Variants in KDM4A observed in about 807,000 individuals in gnomAD.
KDM4A encodes lysine-specific demethylase 4A.
Under a neutral mutation model 127.1 loss-of-function variants are expected in KDM4A, and 23 were observed. That is an observed-to-expected ratio of 0.18 (90% CI 0.13 to 0.26). KDM4A has a LOEUF of 0.26. KDM4A is among the 10% of genes least tolerant of loss of function. The pLI is 1.00. For missense variants in KDM4A, 890 were observed against 1,329.1 expected (o/e 0.67, Z 5.14); for synonymous variants, 443 against 466.5 (o/e 0.95, Z 0.65).
At chr1:43,684,870 G>A (rs973635580) in intron 12 of KDM4A, among the ~76,000 whole-genome samples, 2 of 152,230 alleles carry the variant, frequency 1.3e-5, no homozygotes, top group East Asian at 3.8e-4. Flanking sequence ...AAGGTCTGAA[G>A]TAGGATGGTG....
chr1:43,689,203 TC>T, intron 13 of KDM4A, 108 bp downstream of exon 13: 1 of 1,105,404 alleles, frequency 9.0e-7, no homozygotes, highest in Non-Finnish European at 1.3e-6. Flanking sequence ...AAAGGCCACC[TC>T]CACCCCCAGC....
chr1:43,652,154 G>C (rs1343914847), intron 1 of KDM4A, among the ~76,000 whole-genome samples: 1 of 152,180 alleles, frequency 6.6e-6, no homozygotes, highest in Non-Finnish European at 1.5e-5. Context: ...CCAAAGTGCT[G>C]GGATTACAAG....
chr1:43,665,807 A>G, intron 6 of KDM4A, 62 bp downstream of exon 6: 1 of 1,553,248 alleles, frequency 6.4e-7, no homozygotes, highest in East Asian at 2.2e-5. Flanking sequence ...CTTGCTCTGC[A>G]CTAAAATGTG....
rs1661515075 is a variant in KDM4A at position 43,704,920 on chromosome 1, G to A, written c.*550G>A. 1 of 155,856 alleles carries A rather than the reference G, an allele frequency of 6.4e-6. No individual in the cohort carries two copies. The highest frequency in any genetic ancestry group is 2.4e-5 in the African/African-American group (1 of 41,480). The allele number at this position is 155,856 out of a possible 1,614,324, so 9.7% of individuals were successfully genotyped here. On this transcript the variant is annotated 3_prime_UTR_variant, in exon 22 of 22. Coordinates refer to ENST00000372396, the MANE Select transcript of KDM4A (RefSeq NM_014663.3). ...TCAGCTGAGCTGAGTAAGGGCTCCT[G>A]GGGGTTGGCTGGAGATGGGTGTGGC...
intron 2 of KDM4A, among the ~76,000 whole-genome samples, chr1:43,654,128 G>T (rs1660180470): frequency 6.6e-6 from 1 of 152,326 alleles, no homozygotes; most frequent in African/African-American, 2.4e-5. Context: ...TACGGCTACT[G>T]CTGGGTTAAT....
chr1:43,671,462 G>C, intron 10 of KDM4A, 43 bp from the exon 11 acceptor site: 1 of 1,499,542 alleles, frequency 6.7e-7, no homozygotes, highest in Non-Finnish European at 8.9e-7. Flanking sequence ...GTTCACATGT[G>C]CAGGAGGAAC....
intron 18 of KDM4A, among the ~76,000 whole-genome samples, chr1:43,696,903 T>C (rs928551464): frequency 9.1e-5 from 13 of 142,956 alleles, no homozygotes; most frequent in South Asian, 6.4e-4. Context: ...GACTATACCA[T>C]TGAACAAGAC....
chr1:43,656,615 G>A (rs551154369), intron 3 of KDM4A, among the ~76,000 whole-genome samples: 41 of 152,148 alleles, frequency 2.7e-4, no homozygotes, highest in South Asian at 4.1e-4. Context: ...TGGGATTACA[G>A]GCAAGAGCCA....
At chr1:43,700,094 C>T (rs1331494068) in intron 19 of KDM4A, 2 of 152,074 alleles carry the variant, frequency 1.3e-5, no homozygotes, top group Non-Finnish European at 2.9e-5. Context: ...GAAGAAAATT[C>T]AGCCTTGCGT....
At chr1:43,673,767 T>C (rs1660679916) in intron 11 of KDM4A, among the ~76,000 whole-genome samples, 1 of 152,196 alleles carries the variant, frequency 6.6e-6, no homozygotes, top group African/African-American at 2.4e-5. Flanking sequence ...AGTTGCCACC[T>C]AGCAATTCTT....
At chr1:43,662,210 G>C (rs1199017783) in intron 4 of KDM4A, among the ~76,000 whole-genome samples, 1 of 151,024 alleles carries the variant, frequency 6.6e-6, no homozygotes, top group Non-Finnish European at 1.5e-5. Flanking sequence ...CACTGTCATA[G>C]TTCCCATGTT....
chr1:43,661,081 T>A (rs1043498938), intron 4 of KDM4A, among the ~76,000 whole-genome samples: 2 of 151,984 alleles, frequency 1.3e-5, no homozygotes, highest in African/African-American at 2.4e-5. Flanking sequence ...TTCAAGTGAT[T>A]CTCCTGCCTC....
intron 12 of KDM4A, among the ~76,000 whole-genome samples, chr1:43,686,151 G>GTTTTTTTTTTTTT (rs35512755): frequency 3.1e-5 from 3 of 97,906 alleles, no homozygotes; most frequent in African/African-American, 4.0e-5. Context: ...TTTGTTTCTT[G>GTTTTTTTTTTTTT]TTTTTTTTTT....
At chr1:43,681,516 C>T (rs905571744) in intron 11 of KDM4A, among the ~76,000 whole-genome samples, 7 of 152,120 alleles carry the variant, frequency 4.6e-5, no homozygotes, top group African/African-American at 1.2e-4. Context: ...TGTTGTGTAC[C>T]CTACACAGCT....
At position 43,660,426 on chromosome 1, in the gene KDM4A, G is replaced by A; in HGVS notation, c.429+14G>A. The A allele has an allele frequency of 2.5e-6, 4 of 1,584,780 alleles. No individual in the cohort carries two copies. Among genetic ancestry groups the A allele is most frequent in the South Asian group, 2.3e-5 (2 of 88,492 alleles). ...CTCTATGAAAAGGTGAGGCTCACTG[G>A]AAACCCTCTGTGCAGTGTTTTTGTA... On this transcript the variant is annotated intron_variant, in intron 4 of 21. Coordinates refer to ENST00000372396, the MANE Select transcript of KDM4A (RefSeq NM_014663.3).
At chr1:43,697,742 C>G in intron 18 of KDM4A, 101 bp from the exon 19 acceptor site, 1 of 1,152,120 alleles carries the variant, frequency 8.7e-7, no homozygotes, top group East Asian at 2.4e-5. Flanking sequence ...CTTTCCCATG[C>G]TTATCTTTCC....
intron 11 of KDM4A, among the ~76,000 whole-genome samples, chr1:43,682,571 C>T (rs187774782): frequency 5.9e-5 from 9 of 152,362 alleles, no homozygotes; most frequent in Admixed American, 5.9e-4. Context: ...ACACCTTCTT[C>T]TTTTCCTGGG....
At chr1:43,663,274 CCA>C (rs1660425622) in intron 5 of KDM4A, among the ~76,000 whole-genome samples, 187 bp downstream of exon 5, 1 of 152,168 alleles carries the variant, frequency 6.6e-6, no homozygotes, top group African/African-American at 2.4e-5. Context: ...GGTGCTCGGA[CCA>C]CCTTTTGAGT....
intron 1 of KDM4A, chr1:43,650,785 A>T (rs1660098231): frequency 1.3e-5 from 2 of 152,392 alleles, no homozygotes; most frequent in Non-Finnish European, 2.9e-5. Flanking sequence ...AGAAACTGAG[A>T]CTCAAGTCAG....
Sources: gnomAD v4.1 joint callset for allele counts (sites outside exome capture counted in the v4.1 genomes callset) on GRCh38, gnomAD v4.1.1 for gene constraint, MANE v1.5 for transcripts, NCBI Gene and HGNC (gene_info 2026-07-23, HGNC 2026-07-21) for gene names.